The following EYS variants were observed in gnomAD, a reference collection of about 807,000 sequenced individuals.
EYS encodes EGF-like photoreceptor maintenance factor.
In EYS, 250 loss-of-function variants were observed where a neutral mutation model predicts 282.1. That is an observed-to-expected ratio of 0.89 (90% confidence interval 0.80 to 0.98). The LOEUF (loss-of-function observed/expected upper bound fraction) is 0.98, where lower values mean the gene tolerates loss of function less well. EYS is among the 50% of genes least tolerant of loss of function. The pLI, the probability that EYS is intolerant of heterozygous loss-of-function variation, is 0.00. For synonymous variants in EYS, 1,355 were observed against 1,282.9 expected (o/e 1.06, Z -1.20); for missense variants, 4,016 against 3,709.0 (o/e 1.08, Z -2.15).
At chr6:65,035,884 G>T (rs1772753095) in intron 13 of EYS, among the ~76,000 whole-genome samples, 2 of 144,688 alleles carry the variant, frequency 1.4e-5, no homozygotes, top group African/African-American at 2.5e-5. Flanking sequence ...TAATTTGTTT[G>T]TAATATATAT....
chr6:65,107,927 T>A (rs1407963043), intron 12 of EYS, among the ~76,000 whole-genome samples: 2 of 152,156 alleles, frequency 1.3e-5, no homozygotes, highest in Non-Finnish European at 2.9e-5. Context: ...ATCTTGCTCA[T>A]TCTTTGTTAT....
At chr6:65,415,994 C>T (rs1042209889) in intron 5 of EYS, among the ~76,000 whole-genome samples, 5 of 151,658 alleles carry the variant, frequency 3.3e-5, no homozygotes, top group African/African-American at 9.7e-5. Context: ...GGGGTTACAA[C>T]GCGAGGAGAG....
chr6:65,267,168 C>CT (rs1184084729), intron 12 of EYS, among the ~76,000 whole-genome samples: 3 of 151,552 alleles, frequency 2.0e-5, no homozygotes, highest in Non-Finnish European at 2.9e-5. Context: ...ACTCCTGGTG[C>CT]TTTATGCAAG....
Position 63,721,217 on chromosome 6 carries a change from CAG to C in EYS, c.8812_8813del (p.Leu2938ValfsTer11), listed in dbSNP as rs1288194606. ...ACCTTCCCACCCAACCCAAAGTACACAGGCAACTGTAAGAAAATGATTGGTCA... is the reference window on the plus strand; with the variant it reads ...ACCTTCCCACCCAACCCAAAGTACACGCAACTGTAAGAAAATGATTGGTCA... ...IPDQSFSYSCLCTLGWVGRYC... is the reference protein window; with the variant it reads ...IPDQSFSYSCXCTLGWVGRYC... On this transcript the variant is annotated frameshift_variant, in exon 43 of 43. Coordinates refer to ENST00000503581, the MANE Select transcript of EYS (RefSeq NM_001142800.2). LOFTEE classifies it high-confidence loss of function. 1 of 1,551,700 alleles carries C rather than the reference CAG, an allele frequency of 6.4e-7. No homozygotes were observed. Among genetic ancestry groups the C allele is most frequent in the Non-Finnish European group, 8.7e-7 (1 of 1,146,926 alleles).
At chr6:64,748,521 C>T (rs937841741) in intron 22 of EYS, among the ~76,000 whole-genome samples, 3 of 152,324 alleles carry the variant, frequency 2.0e-5, no homozygotes, top group Admixed American at 1.3e-4. Flanking sequence ...GTATCATCTA[C>T]ATTCCAAACA....
rs541807757 is a variant in EYS at position 65,384,476 on chromosome 6, T to C, written c.1209A>G (p.Lys403=). 8.1e-6 allele frequency: 13 copies of C among 1,602,170 alleles called. 1 individual carries two copies. Among genetic ancestry groups the C allele is most frequent in the African/African-American group, 5.4e-5 (4 of 74,614 alleles). Residue 403 remains lysine, a synonymous_variant, in exon 8 of 43, where the codon AAA becomes AAG. Transcript: ENST00000503581. ...PCSCISGFTE[K]NCEKAIDHCK... The stretch of plus-strand genomic sequence containing the variant: ...AGTGGTCAATTGCTTTCTCACAGTT[T>C]TTTTCAGTAAATCCTGATATACAGC...
rs142156646 is a variant in EYS, at chr6:65,464,426, C to A, written c.862+26168G>T. ...TTGTAGTGCATGATAAGATATCTCC[C>A]AAATTATGTCAAATATATCTGTGAA... On this transcript the variant is annotated intron_variant, in intron 5 of 42. Transcript: ENST00000503581. Among the ~76,000 whole-genome samples the A allele has an allele frequency of 9.3e-4, 142 of 152,216 alleles. 3 individuals carry two copies. The East Asian group carries it at 0.023, about 25-fold the overall frequency.
intron 12 of EYS, among the ~76,000 whole-genome samples, chr6:65,165,739 G>A (rs1561999776): frequency 2.7e-5 from 4 of 150,210 alleles, no homozygotes; most frequent in African/African-American, 9.8e-5. Flanking sequence ...GGATATTAGG[G>A]AAAAAAAAGT....
chr6:64,416,764 T>C (rs907288628), intron 28 of EYS, among the ~76,000 whole-genome samples: 3 of 152,216 alleles, frequency 2.0e-5, no homozygotes, highest in Admixed American at 6.5e-5. Context: ...GGCACTTGGG[T>C]AAATTTTCCA....
At chr6:64,450,425 C>G (rs1775285481) in intron 26 of EYS, among the ~76,000 whole-genome samples, 1 of 152,152 alleles carries the variant, frequency 6.6e-6, no homozygotes, top group Non-Finnish European at 1.5e-5. Context: ...TTTAACACCC[C>G]ACTGTCAACA....
intron 31 of EYS, among the ~76,000 whole-genome samples, chr6:64,204,175 T>C (rs1290373688): frequency 6.6e-6 from 1 of 152,204 alleles, no homozygotes; most frequent in Non-Finnish European, 1.5e-5. Flanking sequence ...AACATATGTA[T>C]TGATGTGTCA....
rs977741972 is a variant in EYS, at chr6:65,306,668, A to G, written c.1767-10549T>C. Among the ~76,000 whole-genome samples the G allele has an allele frequency of 4.1e-5, 6 of 146,678 alleles. No individual in the cohort carries two copies. The East Asian group carries it at 5.9e-4, about 14-fold the overall frequency. ...ATAAAACTGATGTAGGATAAAAAAA[A>G]AAAGAAAGAAAGAAATTAGCCAGGC... On this transcript the variant is annotated intron_variant, in intron 11 of 42. Transcript: ENST00000503581.
chr6:64,408,703 G>A (rs1047624155), intron 28 of EYS, among the ~76,000 whole-genome samples: 3 of 152,254 alleles, frequency 2.0e-5, no homozygotes, highest in Middle Eastern at 3.4e-3. Context: ...AGTGTCTGTA[G>A]GGTACAGAGA....
intron 11 of EYS, among the ~76,000 whole-genome samples, chr6:65,320,569 C>T (rs979723009): frequency 1.3e-5 from 2 of 152,170 alleles, no homozygotes; most frequent in Admixed American, 1.3e-4. Context: ...TGAACGTATT[C>T]AAGTGGCACA....
At chr6:64,416,631 T>C (rs986935114) in intron 28 of EYS, among the ~76,000 whole-genome samples, 1 of 152,082 alleles carries the variant, frequency 6.6e-6, no homozygotes, top group Non-Finnish European at 1.5e-5. Context: ...GTACTTAATG[T>C]TTATCACTCA....
At chr6:64,587,209 A>G (rs571698409) in intron 26 of EYS, among the ~76,000 whole-genome samples, 2 of 152,140 alleles carry the variant, frequency 1.3e-5, no homozygotes, top group East Asian at 3.9e-4. Context: ...TAGTGGTCCA[A>G]TACAAAGTGG....
chr6:64,662,119 A>C (rs1769050900), intron 22 of EYS, among the ~76,000 whole-genome samples: 1 of 151,410 alleles, frequency 6.6e-6, no homozygotes, highest in Non-Finnish European at 1.5e-5. Flanking sequence ...CATTCTCAGC[A>C]AACTATCACA....
At chr6:64,785,998 T>C (rs1774004907) in intron 22 of EYS, among the ~76,000 whole-genome samples, 1 of 152,090 alleles carries the variant, frequency 6.6e-6, no homozygotes, top group South Asian at 2.1e-4. Flanking sequence ...TATAGTCAAG[T>C]AGGGAATAAA....
intron 22 of EYS, among the ~76,000 whole-genome samples, chr6:64,695,609 G>T (rs1770550442): frequency 6.9e-6 from 1 of 144,140 alleles, no homozygotes; most frequent in Non-Finnish European, 1.5e-5. Context: ...TTTTGAGAAG[G>T]AGTCTAGCTC....
Sources: gnomAD v4.1 joint callset for allele counts (sites outside exome capture counted in the v4.1 genomes callset) on GRCh38, gnomAD v4.1.1 for gene constraint, MANE v1.5 for transcripts, NCBI Gene and HGNC (gene_info 2026-07-23, HGNC 2026-07-21) for gene names.